Variants in FSTL5 observed in about 807,000 individuals in gnomAD.
FSTL5 encodes the protein follistatin-related protein 5.
FSTL5 carries 62 observed loss-of-function variants against 89.1 expected under a neutral mutation model. The observed-to-expected ratio is 0.70, with a 90% CI of 0.57 to 0.86. The LOEUF (loss-of-function observed/expected upper bound fraction) is 0.86, where lower values mean the gene tolerates loss of function less well. Ranked by LOEUF, FSTL5 falls within the 40% of genes least tolerant of loss-of-function variation. The pLI is 0.00. For missense variants in FSTL5, 1,057 were observed against 1,001.6 expected (o/e 1.06, Z -0.75); for synonymous variants, 383 against 346.2 (o/e 1.11, Z -1.18).
intron 3 of FSTL5, among the ~76,000 whole-genome samples, chr4:162,031,389 A>G (rs527543255): frequency 4.3e-4 from 65 of 152,364 alleles, no homozygotes; most frequent in African/African-American, 1.5e-3. Flanking sequence ...TTAGTAATCA[A>G]TGAATATAAA....
At chr4:161,415,364 T>C (rs898230979) in intron 15 of FSTL5, among the ~76,000 whole-genome samples, 1 of 152,122 alleles carries the variant, frequency 6.6e-6, no homozygotes, top group Non-Finnish European at 1.5e-5. Flanking sequence ...CAAGTGATTC[T>C]CTTGCCTCAG....
intron 1 of FSTL5, among the ~76,000 whole-genome samples, chr4:162,145,893 AAC>A (rs1732954298): frequency 6.6e-6 from 1 of 152,100 alleles, no homozygotes; most frequent in Non-Finnish European, 1.5e-5. Flanking sequence ...GAATTTCCTA[AAC>A]TTTTTTCTAA....
chr4:161,584,708 G>A (rs1367898416), intron 8 of FSTL5, among the ~76,000 whole-genome samples: 10 of 152,044 alleles, frequency 6.6e-5, no homozygotes, highest in Non-Finnish European at 1.2e-4. Flanking sequence ...TCTTGGAAAG[G>A]TTAATAATTG....
chr4:161,437,565 C>CAAAAA lies in FSTL5; in HGVS notation c.1841+17434_1841+17438dup, dbSNP rs56229701. ...CTGGTGACAGAGTGAGACTCCGTCT[C>CAAAAA]AAAAAAAAAAAAAAAAACGAGGTCA... On this transcript the variant is annotated intron_variant, in intron 15 of 15. Coordinates refer to ENST00000306100, the MANE Select transcript of FSTL5 (RefSeq NM_020116.5). Among the ~76,000 whole-genome samples the CAAAAA allele has an allele frequency of 2.5e-4, 17 of 68,540 alleles. 3 individuals carry two copies. In the East Asian group the frequency reaches 3.8e-3, roughly 15 times the overall value. The allele number at this position is 68,540 out of a possible 152,430, so 45.0% of individuals were successfully genotyped here.
At chr4:162,032,134 C>T (rs944204228) in intron 3 of FSTL5, among the ~76,000 whole-genome samples, 1 of 151,924 alleles carries the variant, frequency 6.6e-6, no homozygotes, top group Non-Finnish European at 1.5e-5. Context: ...TTATATACCC[C>T]AAGGCAATAA....
chr4:161,643,163 G>A (rs1250084483), intron 7 of FSTL5, among the ~76,000 whole-genome samples: 1 of 152,106 alleles, frequency 6.6e-6, no homozygotes, highest in Non-Finnish European at 1.5e-5. Context: ...TAGATGTACA[G>A]TTCAATACTC....
At chr4:162,103,249 A>G (rs1453246325) in intron 2 of FSTL5, among the ~76,000 whole-genome samples, 1 of 152,206 alleles carries the variant, frequency 6.6e-6, no homozygotes, top group Non-Finnish European at 1.5e-5. Context: ...TGAAGGAATA[A>G]ACACGCAAAC....
At chr4:161,760,672 C>T (rs1260511560) in intron 5 of FSTL5, among the ~76,000 whole-genome samples, 3 of 152,076 alleles carry the variant, frequency 2.0e-5, no homozygotes, top group African/African-American at 7.2e-5. Context: ...TAATGCATTG[C>T]TTCTTTAAAT....
At chr4:161,541,997 AGAT>A (rs1398298826) in intron 9 of FSTL5, among the ~76,000 whole-genome samples, 7 of 151,934 alleles carry the variant, frequency 4.6e-5, no homozygotes, top group Non-Finnish European at 7.4e-5. Flanking sequence ...ACACATTAGA[AGAT>A]TAGAATATGT....
intron 11 of FSTL5, among the ~76,000 whole-genome samples, chr4:161,509,343 A>G (rs535611928): frequency 6.6e-6 from 1 of 152,256 alleles, no homozygotes; most frequent in Admixed American, 6.5e-5. Flanking sequence ...CTGATATGTC[A>G]AGGCTACTTT....
intron 4 of FSTL5, among the ~76,000 whole-genome samples, chr4:161,816,762 A>G (rs1344030177): frequency 6.6e-6 from 1 of 152,202 alleles, no homozygotes; most frequent in Non-Finnish European, 1.5e-5. Flanking sequence ...CTGGGACAAG[A>G]GTCAAAGGGC....
chr4:161,673,976 A>C (rs1440599853), intron 6 of FSTL5, among the ~76,000 whole-genome samples: 2 of 152,008 alleles, frequency 1.3e-5, no homozygotes, highest in African/African-American at 2.4e-5. Context: ...AGACATAATC[A>C]AACACTTTAT....
chr4:161,400,362 T>G (rs1305147468), intron 15 of FSTL5, among the ~76,000 whole-genome samples: 2 of 152,062 alleles, frequency 1.3e-5, no homozygotes, highest in African/African-American at 4.8e-5. Context: ...AAATTTCAGA[T>G]AGTTCTCATA....
intron 8 of FSTL5, among the ~76,000 whole-genome samples, chr4:161,584,039 T>C (rs1733523374): frequency 1.3e-5 from 2 of 152,122 alleles, no homozygotes; most frequent in Admixed American, 1.3e-4. Context: ...AGAATCTTTT[T>C]TTCTCTCATG....
intron 6 of FSTL5, among the ~76,000 whole-genome samples, chr4:161,700,895 C>A (rs193271714): frequency 6.6e-6 from 1 of 152,258 alleles, no homozygotes; most frequent in East Asian, 1.9e-4. Context: ...GTTTCAATTA[C>A]ATATTTGCAT....
intron 6 of FSTL5, among the ~76,000 whole-genome samples, chr4:161,695,973 A>G (rs1027588930): frequency 6.6e-6 from 1 of 152,174 alleles, no homozygotes; most frequent in African/African-American, 2.4e-5. Context: ...ATTAAGTCCC[A>G]GCAATTTATC....
chr4:161,479,422 G>A (rs1051306278), intron 13 of FSTL5, among the ~76,000 whole-genome samples: 1 of 152,040 alleles, frequency 6.6e-6, no homozygotes, highest in Non-Finnish European at 1.5e-5. Flanking sequence ...TATATTCAGA[G>A]AGTATAGTTC....
At chr4:161,539,416 G>A (rs1731743720) in intron 9 of FSTL5, among the ~76,000 whole-genome samples, 1 of 152,140 alleles carries the variant, frequency 6.6e-6, no homozygotes, top group Non-Finnish European at 1.5e-5. Flanking sequence ...ACAGGCAGTG[G>A]ATGTGGATGT....
chr4:161,968,426 C>A (rs2111005384), intron 3 of FSTL5, among the ~76,000 whole-genome samples: 1 of 151,992 alleles, frequency 6.6e-6, no homozygotes, highest in East Asian at 1.9e-4. Context: ...AGTTGAAAAG[C>A]AGTTTTGATT....
Sources: allele counts gnomAD v4.1 joint callset (sites outside exome capture counted in the v4.1 genomes callset), GRCh38; gene constraint gnomAD v4.1.1; transcripts MANE v1.5; gene names NCBI Gene and HGNC (gene_info 2026-07-23, HGNC 2026-07-21).